Variants in SLC24A3 observed in about 807,000 individuals in gnomAD.
SLC24A3 encodes solute carrier family 24 member 3.
Under a neutral mutation model 75.8 loss-of-function variants are expected in SLC24A3, and 28 were observed. The observed-to-expected ratio is 0.37, with a 90% confidence interval of 0.27 to 0.51. The LOEUF is 0.51. Among genes scored for constraint, SLC24A3 ranks in the 20% least tolerant of loss-of-function variants. The probability of loss-of-function intolerance (pLI) is 0.94; values close to 1 mark genes in which losing one functional copy is unlikely to be tolerated. For synonymous variants in SLC24A3, 372 were observed against 334.1 expected (o/e 1.11, Z -1.24); for missense variants, 663 against 847.8 (o/e 0.78, Z 2.71).
At chr20:19,308,092 A>G (rs1984373314) in intron 2 of SLC24A3, among the ~76,000 whole-genome samples, 1 of 152,200 alleles carries the variant, frequency 6.6e-6, no homozygotes, top group East Asian at 1.9e-4. Flanking sequence ...CCCTTAGAAA[A>G]TGGATGTGGG....
chr20:19,671,878 GC>G (rs1398294401), intron 8 of SLC24A3, among the ~76,000 whole-genome samples: 2 of 152,088 alleles, frequency 1.3e-5, no homozygotes, highest in Admixed American at 6.6e-5. Flanking sequence ...AATAAAGATG[GC>G]CCAATAATGA....
chr20:19,381,271 C>T (rs1360776746), intron 2 of SLC24A3, among the ~76,000 whole-genome samples: 8 of 152,092 alleles, frequency 5.3e-5, no homozygotes, highest in African/African-American at 1.9e-4. Flanking sequence ...TTCCAGCCAC[C>T]ATGGAGCTTA....
At position 19,525,373 on chromosome 20, in the gene SLC24A3, G is replaced by A. The variant is rs962543935; in HGVS notation, c.348+9809G>A. On this transcript the variant is annotated intron_variant, in intron 3 of 16. Transcript: ENST00000328041. Reference sequence around the variant, plus strand: ...CCTCAGACAAGGAGGCCAGGGCAGAGACTTTGGATGATGGTCCCAGGAAGT... The same window carrying A: ...CCTCAGACAAGGAGGCCAGGGCAGAAACTTTGGATGATGGTCCCAGGAAGT... Among the ~76,000 whole-genome samples, 3 of 152,182 alleles carry A rather than the reference G, an allele frequency of 2.0e-5. No individual in the cohort carries two copies. The South Asian group carries it at 6.2e-4, about 32-fold the overall frequency.
At chr20:19,631,382 C>T (rs568050500) in intron 6 of SLC24A3, among the ~76,000 whole-genome samples, 7 of 151,986 alleles carry the variant, frequency 4.6e-5, no homozygotes, top group African/African-American at 7.2e-5. Context: ...GAATATTTTG[C>T]GAAGTGTTGT....
chr20:19,605,735 T>C (rs1224172127), intron 6 of SLC24A3, among the ~76,000 whole-genome samples: 2 of 152,234 alleles, frequency 1.3e-5, no homozygotes, highest in African/African-American at 4.8e-5. Flanking sequence ...AGTTTTCCCC[T>C]TGAATCAACC....
At position 19,364,482 on chromosome 20, in the gene SLC24A3, GTGTCACTCTGTCAC is replaced by G. The variant is rs1190861782; in HGVS notation, c.271+83396_271+83409del. 3.6e-4 allele frequency among the ~76,000 whole-genome samples: 54 copies of G among 151,330 alleles called. No homozygotes were observed. The South Asian group carries it at 0.011, about 31-fold the overall frequency. On this transcript the variant is annotated intron_variant, in intron 2 of 16. Transcript: ENST00000328041. ...ACTTTTTTTTCTTTCTTGAGATAGG[GTGTCACTCTGTCAC>G]CCAGGCTGGAGGGCAGTGGTGCAGT...
At chr20:19,474,622 A>G (rs532437799) in intron 2 of SLC24A3, among the ~76,000 whole-genome samples, 2 of 152,248 alleles carry the variant, frequency 1.3e-5, no homozygotes, top group East Asian at 3.9e-4. Flanking sequence ...TCTGTATTGT[A>G]TGTATTTAGG....
In SLC24A3 at chr20:19,358,318, C is replaced by T. The variant is rs77196383; in HGVS notation, c.271+77231C>T. ...TAAGATTGGACTCAACATCCACCCGCGCCACATCTGGGCCCTGGGCTCCTT... is the reference window on the plus strand; with the variant it reads ...TAAGATTGGACTCAACATCCACCCGTGCCACATCTGGGCCCTGGGCTCCTT... On this transcript the variant is annotated intron_variant, in intron 2 of 16. Transcript: ENST00000328041. 1.0e-3 allele frequency among the ~76,000 whole-genome samples: 157 copies of T among 152,224 alleles called. 1 individual carries two copies. In the East Asian group the frequency reaches 0.017, roughly 16 times the overall value.
chr20:19,221,463 T>G (rs1390102086), intron 1 of SLC24A3, among the ~76,000 whole-genome samples: 1 of 152,212 alleles, frequency 6.6e-6, no homozygotes, highest in Non-Finnish European at 1.5e-5. Context: ...AGCTTATTCC[T>G]GAAATTTCAG....
At chr20:19,419,268 A>T (rs1422408413) in intron 2 of SLC24A3, among the ~76,000 whole-genome samples, 1 of 152,124 alleles carries the variant, frequency 6.6e-6, no homozygotes, top group Non-Finnish European at 1.5e-5. Flanking sequence ...ACAAGCAGAC[A>T]TTTGTGCTTC....
At chr20:19,634,410 G>A (rs2031974609) in intron 6 of SLC24A3, among the ~76,000 whole-genome samples, 1 of 152,012 alleles carries the variant, frequency 6.6e-6, no homozygotes, top group African/African-American at 2.4e-5. Context: ...GAAACAAAGG[G>A]CTTTAAAATA....
In SLC24A3 at chr20:19,575,709, C is replaced by T. The variant is rs559366652; in HGVS notation, c.349-4291C>T. Among the ~76,000 whole-genome samples, 13 of 152,332 alleles carry T rather than the reference C, an allele frequency of 8.5e-5. No homozygotes were observed. The East Asian group carries it at 2.3e-3, about 27-fold the overall frequency. ...GTGAGTTACAGCATATCTGGGCTGC[C>T]TCAGGGTGTTGGGCCAGCCCAAGCA... On this transcript the variant is annotated intron_variant, in intron 3 of 16. Coordinates refer to ENST00000328041, the MANE Select transcript of SLC24A3 (RefSeq NM_020689.4).
chr20:19,651,417 A>C (rs1320619115), intron 6 of SLC24A3, among the ~76,000 whole-genome samples: 1 of 145,624 alleles, frequency 6.9e-6, no homozygotes, highest in Non-Finnish European at 1.5e-5. Flanking sequence ...ATATATATAT[A>C]TCTGCTTTCC....
At chr20:19,483,835 G>T (rs1988092257) in intron 2 of SLC24A3, among the ~76,000 whole-genome samples, 1 of 152,166 alleles carries the variant, frequency 6.6e-6, no homozygotes, top group African/African-American at 2.4e-5. Flanking sequence ...AAAGAGAACT[G>T]AGGGACCTAA....
chr20:19,268,111 A>G (rs1232645649), intron 1 of SLC24A3, among the ~76,000 whole-genome samples: 1 of 152,154 alleles, frequency 6.6e-6, no homozygotes, highest in Non-Finnish European at 1.5e-5. Flanking sequence ...AGCCCATGTA[A>G]GGTGCATCAT....
intron 2 of SLC24A3, among the ~76,000 whole-genome samples, chr20:19,485,465 C>T (rs1351300573): frequency 2.0e-5 from 3 of 152,180 alleles, no homozygotes; most frequent in Admixed American, 1.3e-4. Flanking sequence ...GCACCATTCT[C>T]ATAGGAAAAC....
intron 6 of SLC24A3, among the ~76,000 whole-genome samples, chr20:19,652,963 C>A (rs951952371): frequency 2.0e-5 from 3 of 152,128 alleles, no homozygotes; most frequent in Non-Finnish European, 4.4e-5. Flanking sequence ...ATGGGGTAGT[C>A]GATACTCCTC....
At chr20:19,542,323 C>G (rs999200020) in intron 3 of SLC24A3, among the ~76,000 whole-genome samples, 1 of 152,144 alleles carries the variant, frequency 6.6e-6, no homozygotes, top group Non-Finnish European at 1.5e-5. Context: ...AGCTGCTGGT[C>G]GTCATTTTGA....
intron 2 of SLC24A3, among the ~76,000 whole-genome samples, chr20:19,507,238 T>C (rs1988473975): frequency 1.3e-5 from 2 of 152,272 alleles, no homozygotes; most frequent in African/African-American, 2.4e-5. Context: ...AGAATCAATA[T>C]CCTACAACCT....
Sources: allele counts gnomAD v4.1 joint callset (sites outside exome capture counted in the v4.1 genomes callset), GRCh38; gene constraint gnomAD v4.1.1; transcripts MANE v1.5; gene names NCBI Gene and HGNC (gene_info 2026-07-23, HGNC 2026-07-21).